XDH: variants seen among roughly 807,000 people sequenced by gnomAD.
XDH encodes the protein xanthine dehydrogenase, also known as xanthine dehydrogenase/oxidase.
XDH carries 138 observed loss-of-function variants against 156.1 expected under a neutral mutation model. The observed-to-expected ratio is 0.88, with a 90% CI of 0.77 to 1.02. XDH has a LOEUF of 1.02. XDH is among the 50% of genes least tolerant of loss of function. The pLI, the probability that XDH is intolerant of heterozygous loss-of-function variation, is 0.00. For missense variants in XDH, 1,849 were observed against 1,684.9 expected, an observed-to-expected ratio of 1.10 and a Z score of -1.71; for synonymous variants, 669 against 625.7, an observed-to-expected ratio of 1.07 and a Z score of -1.03.
chr2:31,380,813 A>G (rs1686417281), intron 12 of XDH, among the ~76,000 whole-genome samples: 1 of 152,180 alleles, frequency 6.6e-6, no homozygotes, highest in African/African-American at 2.4e-5. Context: ...ACCCTCTGAC[A>G]AGGCAGAGAT....
chr2:31,373,858 AC>A lies in XDH; in HGVS notation c.1686+14del. On this transcript the variant is annotated intron_variant, in intron 16 of 35. Coordinates refer to ENST00000379416, the MANE Select transcript of XDH (RefSeq NM_000379.4). Reference sequence around the variant, plus strand: ...CAAAGTCCCCTGATATTAGCCATACACTGACCGTACTCACTTGGAAGAGCTG... The same window carrying A: ...CAAAGTCCCCTGATATTAGCCATACATGACCGTACTCACTTGGAAGAGCTG... The A allele has an allele frequency of 6.2e-7, 1 of 1,613,446 alleles. No homozygotes were observed. The highest frequency in any genetic ancestry group is 1.1e-5 in the South Asian group (1 of 90,996).
intron 31 of XDH, among the ~76,000 whole-genome samples, chr2:31,343,961 C>T (rs1192885345): frequency 6.6e-6 from 1 of 151,686 alleles, no homozygotes; most frequent in Non-Finnish European, 1.5e-5. Flanking sequence ...GAATTATTTT[C>T]CAAATATATT....
intron 11 of XDH, among the ~76,000 whole-genome samples, chr2:31,382,431 G>A (rs1363052683): frequency 6.6e-6 from 1 of 152,048 alleles, no homozygotes; most frequent in East Asian, 1.9e-4. Context: ...CTTTTCTTCC[G>A]ACACCATAAA....
chr2:31,335,330 T>C lies in XDH; in HGVS notation c.*628A>G, dbSNP rs563597138. 130 of 156,110 alleles carry C rather than the reference T, an allele frequency of 8.3e-4. No individual in the cohort carries two copies. Among genetic ancestry groups the C allele is most frequent in the African/African-American group, 2.5e-3 (104 of 41,586 alleles). 9.7% of individuals were successfully genotyped at this position (156,110 alleles called of 1,614,324 possible). A position where few individuals can be genotyped will look rare whatever the true frequency, so the allele number is the denominator to read the frequency against. The stretch of plus-strand genomic sequence containing the variant: ...CATTGTACGTGCTCAATAATTGAGT[T>C]GGTTGGATTTTTGTATTATAGAGTA... On this transcript the variant is annotated 3_prime_UTR_variant, in exon 36 of 36. Transcript: ENST00000379416.
At chr2:31,365,575 T>C (rs1435511742) in intron 22 of XDH, 31 bp from the exon 23 acceptor site, 20 of 1,612,774 alleles carry the variant, frequency 1.2e-5, no homozygotes, top group Non-Finnish European at 1.7e-5. Context: ...TAGAAGCCTG[T>C]GAGCCTTCAA....
At chr2:31,336,731 G>GC (rs1684978241) in intron 35 of XDH, among the ~76,000 whole-genome samples, 1 of 150,082 alleles carries the variant, frequency 6.7e-6, no homozygotes, top group Admixed American at 6.7e-5. Flanking sequence ...GGATTTGTCT[G>GC]CCCCTGGGGT....
intron 3 of XDH, among the ~76,000 whole-genome samples, chr2:31,401,949 G>C (rs1417269708): frequency 1.3e-5 from 2 of 152,188 alleles, no homozygotes; most frequent in East Asian, 3.9e-4. Context: ...AGATGAATAA[G>C]ATGAAAGCTC....
In XDH at chr2:31,414,691, T is replaced by G; in HGVS notation, c.-25A>C. ...TTGTCACAGGTTGGGGTCCCCGAAC[T>G]CCAGGTACCTCACTCCTAAGAGACA... On this transcript the variant is annotated 5_prime_UTR_variant, in exon 1 of 36. Coordinates refer to ENST00000379416, the MANE Select transcript of XDH (RefSeq NM_000379.4). 3.7e-6 allele frequency: 6 copies of G among 1,614,014 alleles called. No individual in the cohort carries two copies. Among genetic ancestry groups the G allele is most frequent in the Non-Finnish European group, 5.1e-6 (6 of 1,179,932 alleles).
rs923589108 is a variant in XDH at position 31,341,345 on chromosome 2, G to A, written c.3569C>T (p.Ala1190Val). 1.3e-6 allele frequency: 2 copies of A among 1,575,748 alleles called. No homozygotes were observed. The highest frequency in any genetic ancestry group is 1.7e-6 in the Non-Finnish European group (2 of 1,157,900). ...GAGCCTCACCTGTCCAATATCAATGGCAGGGTTTAGACTGGAGCCAACATC... is the reference window on the plus strand; with the variant it reads ...GAGCCTCACCTGTCCAATATCAATGACAGGGTTTAGACTGGAGCCAACATC... ...VMDVGSSLNP[A>V]IDIGQVEGAF... Residue 1190 changes from alanine to valine, a missense_variant, in exon 33 of 36, where the codon GCC becomes GTC. Coordinates refer to ENST00000379416, the MANE Select transcript of XDH (RefSeq NM_000379.4).
chr2:31,370,506 A>C, intron 17 of XDH, 28 bp from the exon 18 acceptor site: 1 of 1,613,728 alleles, frequency 6.2e-7, no homozygotes, highest in Non-Finnish European at 8.5e-7. Context: ...GTGAGGGGCC[A>C]GGTCAGCAAG....
chr2:31,343,310 A>ATGCATGTT (rs1553411672), intron 31 of XDH, among the ~76,000 whole-genome samples: 12 of 102,232 alleles, frequency 1.2e-4, no homozygotes, highest in South Asian at 3.5e-4. Context: ...ATATATATAT[A>ATGCATGTT]TATATATATA....
At chr2:31,348,244 A>G (rs1208329802) in intron 28 of XDH, 24 bp downstream of exon 28, 4 of 1,611,268 alleles carry the variant, frequency 2.5e-6, no homozygotes, top group East Asian at 4.5e-5. Context: ...AACGGACACA[A>G]CACTGCCAGA....
intron 2 of XDH, 127 bp from the exon 3 acceptor site, chr2:31,403,271 G>A: frequency 2.0e-6 from 2 of 998,722 alleles, no homozygotes; most frequent in South Asian, 1.5e-5. Flanking sequence ...CTCAACCAAG[G>A]AAGGCAGCAG....
chr2:31,369,406 G>A (rs917792266), intron 18 of XDH, among the ~76,000 whole-genome samples: 3 of 152,174 alleles, frequency 2.0e-5, no homozygotes, highest in East Asian at 3.8e-4. Flanking sequence ...CTCCTTCAGA[G>A]ATAATTGTCA....
rs779917234 is a variant in XDH, at chr2:31,364,225, C to T, written c.2564G>A (p.Gly855Glu). 16 of 1,614,002 alleles carry T rather than the reference C, an allele frequency of 9.9e-6. No individual in the cohort carries two copies. The highest frequency in any genetic ancestry group is 1.4e-5 in the Non-Finnish European group (16 of 1,180,034). Residue 855 changes from glycine to glutamate, a missense_variant, in exon 24 of 36, where the codon GGG (glycine) becomes GAG (glutamate). By Grantham distance (98) the Gly-to-Glu change is moderately conservative. Transcript: ENST00000379416. ...ARYKVGFMKT[G>E]TVVALEVDHF... The stretch of plus-strand genomic sequence containing the variant: ...GTCCACCTCAAGAGCCACAACTGTC[C>T]CAGTCTTCATGAAGCCAACCTGATA...
chr2:31,361,766 A>G (rs1216954369), intron 24 of XDH, among the ~76,000 whole-genome samples: 14 of 152,206 alleles, frequency 9.2e-5, no homozygotes, highest in Admixed American at 8.5e-4. Context: ...AGCATTTCAC[A>G]GATCCTCAAT....
chr2:31,346,810 G>A lies in XDH; in HGVS notation c.3310C>T (p.Pro1104Ser), dbSNP rs558670995. 5.7e-5 allele frequency: 92 copies of A among 1,613,906 alleles called. No individual in the cohort carries two copies. Among genetic ancestry groups the A allele is most frequent in the Non-Finnish European group, 7.2e-5 (85 of 1,180,022 alleles). The change falls in exon 30 of 36, where the codon CCC (proline) becomes TCC (serine). Residue 1104 changes from proline to serine, a missense_variant. Physicochemically the swap from Pro to Ser is moderately conservative, Grantham distance 74. Transcript: ENST00000379416. ...ACQTILKRLE[P>S]YKKKNPSGSW... ...CCACTGGGATTCTTCTTCTTGTAGGGTTCCAGCCTTTTCAAGATGGTCTGA... is the reference window on the plus strand; with the variant it reads ...CCACTGGGATTCTTCTTCTTGTAGGATTCCAGCCTTTTCAAGATGGTCTGA...
At chr2:31,393,813 T>C (rs2147999932) in intron 6 of XDH, among the ~76,000 whole-genome samples, 1 of 151,548 alleles carries the variant, frequency 6.6e-6, no homozygotes, top group Admixed American at 6.6e-5. Context: ...TTTTTTTTTT[T>C]CTGGTAGTTG....
chr2:31,411,155 C>T (rs1187331410), intron 1 of XDH, among the ~76,000 whole-genome samples: 5 of 151,544 alleles, frequency 3.3e-5, no homozygotes, highest in Non-Finnish European at 7.4e-5. Context: ...CGGTGGTGGG[C>T]GCCTGTAATC....
Sources: gnomAD v4.1 joint callset for allele counts (sites outside exome capture counted in the v4.1 genomes callset) on GRCh38, gnomAD v4.1.1 for gene constraint, MANE v1.5 for transcripts, NCBI Gene and HGNC (gene_info 2026-07-23, HGNC 2026-07-21) for gene names.